ANK3: variants seen among roughly 807,000 people sequenced by gnomAD.
ANK3 encodes ankyrin 3.
Under a neutral mutation model 370.9 loss-of-function variants are expected in ANK3, and 57 were observed. The observed-to-expected ratio is 0.15, with a 90% CI of 0.12 to 0.19. ANK3 has a LOEUF of 0.19. Among genes scored for constraint, ANK3 ranks in the 10% least tolerant of loss-of-function variants. The probability of loss-of-function intolerance (pLI) is 1.00; values close to 1 mark genes in which losing one functional copy is unlikely to be tolerated. For synonymous variants in ANK3, 1,929 were observed against 1,946.3 expected (o/e 0.99, Z 0.23); for missense variants, 4,439 against 5,302.1 (o/e 0.84, Z 5.06).
chr10:60,437,534 A>G (rs1340989720), intron 2 of ANK3, among the ~76,000 whole-genome samples: 1 of 152,200 alleles, frequency 6.6e-6, no homozygotes, highest in Non-Finnish European at 1.5e-5. Flanking sequence ...AGTGCCTGGC[A>G]CTGAAGAGGG....
intron 1 of ANK3, among the ~76,000 whole-genome samples, chr10:60,356,651 T>C (rs1353353116): frequency 6.6e-6 from 1 of 152,194 alleles, no homozygotes; most frequent in Non-Finnish European, 1.5e-5. Context: ...CCTCACCTAA[T>C]ATCCAAGGTC....
intron 43 of ANK3, among the ~76,000 whole-genome samples, chr10:60,042,018 T>C (rs1333779263): frequency 2.0e-5 from 3 of 152,230 alleles, no homozygotes; most frequent in Non-Finnish European, 4.4e-5. Flanking sequence ...TCACCCCATA[T>C]GGCCTAATTG....
chr10:60,118,512 A>G (rs1043281986), intron 25 of ANK3, among the ~76,000 whole-genome samples: 1 of 152,208 alleles, frequency 6.6e-6, no homozygotes, highest in African/African-American at 2.4e-5. Flanking sequence ...AAAGTTCCCA[A>G]ATTCTATATG....
rs551034207 is a variant in ANK3, at chr10:60,067,794, G to C, written c.12319+141C>G. ...AAGGTACAATCAGTATTTATCTCTG[G>C]GTAGATAAAATTATTGGTGATAAAA... On this transcript the variant is annotated intron_variant, in intron 38 of 43. Transcript: ENST00000280772. 5.9e-5 allele frequency: 33 copies of C among 560,340 alleles called. No homozygotes were observed. In the East Asian group the frequency reaches 8.6e-4, roughly 15 times the overall value. The allele number at this position is 560,340 out of a possible 1,614,324, so 34.7% of individuals were successfully genotyped here.
chr10:60,243,893 T>C (rs1475005075), intron 7 of ANK3, among the ~76,000 whole-genome samples: 1 of 152,196 alleles, frequency 6.6e-6, no homozygotes, highest in Non-Finnish European at 1.5e-5. Context: ...AGGCTGTGTC[T>C]GTGAGCCATG....
chr10:60,541,856 T>C (rs2076856365), intron 2 of ANK3, among the ~76,000 whole-genome samples: 2 of 151,976 alleles, frequency 1.3e-5, no homozygotes, highest in South Asian at 4.1e-4. Context: ...GAGACTTTTA[T>C]TCAGGAGCAG....
intron 1 of ANK3, among the ~76,000 whole-genome samples, chr10:60,383,349 C>T (rs1206826372): frequency 6.6e-6 from 1 of 152,160 alleles, no homozygotes; most frequent in Non-Finnish European, 1.5e-5. Flanking sequence ...CCCATTACAA[C>T]CCTATCCTAA....
Position 60,270,247 on chromosome 10 carries a change from A to G in ANK3, c.415-18T>C, listed in dbSNP as rs2097950052. The G allele has an allele frequency of 1.9e-6, 3 of 1,550,682 alleles. No individual in the cohort carries two copies. Among genetic ancestry groups the G allele is most frequent in the East Asian group, 2.3e-5 (1 of 43,092 alleles). On this transcript the variant is annotated intron_variant, in intron 4 of 43. Transcript: ENST00000280772. ...AAACCATTCTGCAAAATAAGAAAAA[A>G]AATGTTTGTCTGCAGCTTTCCAGAG...
At chr10:60,210,608 A>G (rs1357047565) in intron 9 of ANK3, among the ~76,000 whole-genome samples, 1 of 152,182 alleles carries the variant, frequency 6.6e-6, no homozygotes, top group Non-Finnish European at 1.5e-5. Context: ...GGTGTAATAG[A>G]TATATGTATC....
At chr10:60,185,341 A>G (rs1045730494) in intron 17 of ANK3, among the ~76,000 whole-genome samples, 1 of 152,198 alleles carries the variant, frequency 6.6e-6, no homozygotes, top group Non-Finnish European at 1.5e-5. Context: ...AAATTAAAAA[A>G]ACGATTTTTT....
intron 16 of ANK3, among the ~76,000 whole-genome samples, chr10:60,192,875 C>T (rs189038145): frequency 1.6e-4 from 25 of 152,190 alleles, no homozygotes; most frequent in African/African-American, 4.8e-4. Flanking sequence ...GCCTCAACAC[C>T]CTATATCAAC....
At chr10:60,278,935 A>T in intron 3 of ANK3, 63 bp from the exon 4 acceptor site, 1 of 1,570,322 alleles carries the variant, frequency 6.4e-7, no homozygotes, top group South Asian at 1.1e-5. Context: ...GTTCTCCCCA[A>T]AGAGAACAAA....
At chr10:60,551,005 C>T (rs141306320) in intron 2 of ANK3, among the ~76,000 whole-genome samples, 49 of 152,054 alleles carry the variant, frequency 3.2e-4, no homozygotes, top group African/African-American at 1.1e-3. Context: ...TTTCTATGCA[C>T]GAAAGTTAAG....
intron 1 of ANK3, among the ~76,000 whole-genome samples, chr10:60,696,484 A>G (rs1307984550): frequency 6.6e-6 from 1 of 151,616 alleles, no homozygotes; most frequent in Non-Finnish European, 1.5e-5. Context: ...CTTGATGAAC[A>G]TTGATGCAAA....
At chr10:60,328,426 G>T (rs2050399636) in intron 1 of ANK3, among the ~76,000 whole-genome samples, 1 of 152,144 alleles carries the variant, frequency 6.6e-6, no homozygotes, top group African/African-American at 2.4e-5. Flanking sequence ...TGTAAGCAAT[G>T]CTCAATAATA....
intron 6 of ANK3, among the ~76,000 whole-genome samples, chr10:60,263,387 T>C (rs2097837739): frequency 6.6e-6 from 1 of 152,160 alleles, no homozygotes; most frequent in South Asian, 2.1e-4. Flanking sequence ...CGATGGGAAT[T>C]TTTGGCTGCG....
intron 1 of ANK3, among the ~76,000 whole-genome samples, chr10:60,297,069 T>A (rs776721571): frequency 4.6e-5 from 7 of 152,240 alleles, no homozygotes; most frequent in African/African-American, 7.2e-5. Context: ...ATGACAATAA[T>A]CACTGAATTA....
At chr10:60,361,520 A>G (rs905192519) in intron 1 of ANK3, among the ~76,000 whole-genome samples, 1 of 152,174 alleles carries the variant, frequency 6.6e-6, no homozygotes, top group Non-Finnish European at 1.5e-5. Flanking sequence ...TTTTGTTTAG[A>G]TCTTGATGTT....
intron 2 of ANK3, among the ~76,000 whole-genome samples, chr10:60,472,239 T>C (rs2065237435): frequency 6.6e-6 from 1 of 152,176 alleles, no homozygotes; most frequent in East Asian, 1.9e-4. Flanking sequence ...TACCTAGCAG[T>C]GCTGAAATCT....
Sources: gnomAD v4.1 joint callset for allele counts (sites outside exome capture counted in the v4.1 genomes callset) on GRCh38, gnomAD v4.1.1 for gene constraint, MANE v1.5 for transcripts, NCBI Gene and HGNC (gene_info 2026-07-23, HGNC 2026-07-21) for gene names.